The following CCNF variants were observed in gnomAD, a reference collection of about 807,000 sequenced individuals.
CCNF encodes cyclin-F.
In CCNF, 30 loss-of-function variants were observed where a neutral mutation model predicts 85.4. That is an observed-to-expected ratio of 0.35 (90% CI 0.26 to 0.48). The LOEUF is 0.48. CCNF is among the 20% of genes least tolerant of loss of function. The probability of loss-of-function intolerance (pLI) is 0.99; values close to 1 mark genes in which losing one functional copy is unlikely to be tolerated. For synonymous variants in CCNF, 439 were observed against 425.1 expected, an observed-to-expected ratio of 1.03 and a Z score of -0.40; for missense variants, 919 against 1,010.4, an observed-to-expected ratio of 0.91 and a Z score of 1.23.
chr16:2,449,264 C>T lies in CCNF; in HGVS notation c.1219-18C>T. On this transcript the variant is annotated intron_variant, in intron 11 of 16. Transcript: ENST00000397066. ...GCCCCCGAGCGCTGAGAGCCCACAC[C>T]CCGTCCCGGCTGTCTAGGTCCCCAC... 6.2e-7 allele frequency: 1 copy of T among 1,613,036 alleles called. No individual in the cohort carries two copies. Among genetic ancestry groups the T allele is most frequent in the Non-Finnish European group, 8.5e-7 (1 of 1,179,318 alleles).
chr16:2,444,324 G>T (rs955269032), intron 9 of CCNF, among the ~76,000 whole-genome samples: 2 of 148,736 alleles, frequency 1.3e-5, no homozygotes, highest in Non-Finnish European at 3.0e-5. Context: ...TTTTGAGACG[G>T]AGTCTTGCTC....
rs1017688946 is a variant in CCNF, at chr16:2,456,321, C to T, written c.1886-224C>T. On this transcript the variant is annotated intron_variant, in intron 16 of 16. Coordinates refer to ENST00000397066, the MANE Select transcript of CCNF (RefSeq NM_001761.3). The surrounding 1 kb of genome is among the most constrained non-coding windows in gnomAD (Gnocchi z 4.5). ...TGCTTCTGCGTCCACTTGGCTTGAG[C>T]TAGATGGCCAACTTGTCATCTCCAC... 23 of 480,670 alleles carry T rather than the reference C, an allele frequency of 4.8e-5. No homozygotes were observed. Among genetic ancestry groups the T allele is most frequent in the Non-Finnish European group, 6.9e-5 (19 of 273,554 alleles). 29.8% of individuals were successfully genotyped at this position (480,670 alleles called of 1,614,324 possible).
chr16:2,453,738 C>G lies in CCNF; in HGVS notation c.1715+201C>G, dbSNP rs1270875787. Among the ~76,000 whole-genome samples, 1 of 152,218 alleles carries G rather than the reference C, an allele frequency of 6.6e-6. No homozygotes were observed. The highest frequency in any genetic ancestry group is 1.9e-4 in the East Asian group (1 of 5,196). ...CCTCCACTGTCTCCAGCCCAGGTCT[C>G]CTTCCTCAGAGGCTATTGCCTCTCG... On this transcript the variant is annotated intron_variant, in intron 15 of 16. Transcript: ENST00000397066. This position sits in a 1 kb window ranked among gnomAD's most constrained non-coding sequence, Gnocchi z 5.6.
At chr16:2,430,472 A>G (rs1567381288) in intron 1 of CCNF, among the ~76,000 whole-genome samples, 1 of 151,956 alleles carries the variant, frequency 6.6e-6, no homozygotes, top group Non-Finnish European at 1.5e-5. Context: ...ACCTTTAATG[A>G]TTGCATCTGT....
intron 1 of CCNF, 188 bp from the exon 2 acceptor site, chr16:2,430,942 G>T: frequency 4.0e-6 from 3 of 757,318 alleles, no homozygotes; most frequent in Non-Finnish European, 7.2e-6. Flanking sequence ...TCTGTAATTT[G>T]TGCAATGCCA....
rs2065428286 is a variant in CCNF, at chr16:2,456,493, C to T, written c.1886-52C>T. 7.5e-7 allele frequency: 1 copy of T among 1,324,822 alleles called. No homozygotes were observed. The highest frequency in any genetic ancestry group is 1.0e-6 in the Non-Finnish European group (1 of 977,840). The allele number at this position is 1,324,822 out of a possible 1,614,324, so 82.1% of individuals were successfully genotyped here. A position where few individuals can be genotyped will look rare whatever the true frequency, so the allele number is the denominator to read the frequency against. Reference sequence around the variant, plus strand: ...AGGGTCCTGACCTGGCAGGGGGTCTCCCCTGATGCTTGGGTGTGACATGAC... The same window carrying T: ...AGGGTCCTGACCTGGCAGGGGGTCTTCCCTGATGCTTGGGTGTGACATGAC... On this transcript the variant is annotated intron_variant, in intron 16 of 16. Coordinates refer to ENST00000397066, the MANE Select transcript of CCNF (RefSeq NM_001761.3). The surrounding 1 kb of genome is among the most constrained non-coding windows in gnomAD (Gnocchi z 4.5).
At chr16:2,441,265 G>A (rs1054009840) in intron 8 of CCNF, among the ~76,000 whole-genome samples, 6 of 151,762 alleles carry the variant, frequency 4.0e-5, no homozygotes, top group African/African-American at 7.3e-5. Context: ...ATGTGGTGGC[G>A]TGTGCCTTGT....
At chr16:2,436,895 C>T (rs1048813909) in intron 4 of CCNF, 2 of 350,716 alleles carry the variant, frequency 5.7e-6, no homozygotes, top group Non-Finnish European at 1.0e-5. Context: ...TCCAGGCTTC[C>T]GGGAGGACCA....
Position 2,443,804 on chromosome 16 carries a change from A to T in CCNF, c.929+4A>T. ...AGGGACTCAATGACACAATGAGGTG[A>T]GGCATTCAGGCCGGGGCTTCTAATC... On this transcript the variant is annotated splice_donor_region_variant and intron_variant, in intron 9 of 16. Transcript: ENST00000397066. 1 of 1,613,750 alleles carries T rather than the reference A, an allele frequency of 6.2e-7. No homozygotes were observed. The highest frequency in any genetic ancestry group is 1.7e-5 in the Admixed American group (1 of 59,994).
chr16:2,443,924 C>G, intron 9 of CCNF, 124 bp downstream of exon 9: 2 of 570,452 alleles, frequency 3.5e-6, no homozygotes, highest in Non-Finnish European at 5.6e-6. Flanking sequence ...CCTTATCACC[C>G]TTTTTTTTTT....
At chr16:2,445,671 G>A (rs1307999871) in intron 10 of CCNF, 49 bp downstream of exon 10, 2 of 1,560,812 alleles carry the variant, frequency 1.3e-6, no homozygotes, top group Non-Finnish European at 1.7e-6. Context: ...GGCCTTTCCC[G>A]GGTTCAGGGT....
intron 8 of CCNF, among the ~76,000 whole-genome samples, chr16:2,443,025 C>A (rs1439368739): frequency 1.8e-5 from 2 of 108,124 alleles, no homozygotes; most frequent in Admixed American, 1.3e-4. Flanking sequence ...ATTATATGTT[C>A]TATAATATAT....
chr16:2,438,881 C>T (rs1290318887), intron 6 of CCNF, among the ~76,000 whole-genome samples: 2 of 151,782 alleles, frequency 1.3e-5, no homozygotes, highest in African/African-American at 2.4e-5. Context: ...ACCTGTAATC[C>T]TAGCTACTTG....
At position 2,446,660 on chromosome 16, in the gene CCNF, A is replaced by C. The variant is rs947984621; in HGVS notation, c.1094+1038A>C. 2.6e-5 allele frequency among the ~76,000 whole-genome samples: 4 copies of C among 152,244 alleles called. No homozygotes were observed. In the South Asian group the frequency reaches 8.3e-4, roughly 31 times the overall value. ...TGGGTGAGGATAGGCTTGGCTGCACACAGCATATGTGTAAGCTACAGAGAC... is the reference window on the plus strand; with the variant it reads ...TGGGTGAGGATAGGCTTGGCTGCACCCAGCATATGTGTAAGCTACAGAGAC... On this transcript the variant is annotated intron_variant, in intron 10 of 16. Coordinates refer to ENST00000397066, the MANE Select transcript of CCNF (RefSeq NM_001761.3).
intron 13 of CCNF, 115 bp downstream of exon 13, chr16:2,450,030 A>C: frequency 1.3e-6 from 1 of 752,632 alleles, no homozygotes; most frequent in Non-Finnish European, 2.4e-6. Context: ...AACATGGTGA[A>C]ACCCCACCTC....
At chr16:2,455,729 G>C (rs1415316033) in intron 16 of CCNF, among the ~76,000 whole-genome samples, 165 bp downstream of exon 16, 1 of 152,168 alleles carries the variant, frequency 6.6e-6, no homozygotes, top group South Asian at 2.1e-4. Flanking sequence ...TCCAGACATG[G>C]GGAGAGAGGA....
rs1424139332 is a variant in CCNF at position 2,453,287 on chromosome 16, A to G, written c.1565A>G (p.Tyr522Cys). ...AAGCAGCGGTTTGAGGACAAGCGCT[A>G]TGGAGAAATCAGCCAGGAAGAGGTG... ...AVKQRFEDKR[Y>C]GEISQEEVLS... The change falls in exon 14 of 17, where the codon TAT becomes TGT. Residue 522 changes from tyrosine (Y) to cysteine (C), a missense_variant. This residue lies in a region of CCNF where 505 missense variants were observed against 514.8 expected (regional missense o/e 0.98). Transcript: ENST00000397066. The surrounding 1 kb of genome is among the most constrained non-coding windows in gnomAD (Gnocchi z 5.6). The G allele has an allele frequency of 6.2e-7, 1 of 1,613,766 alleles. No individual in the cohort carries two copies. Among genetic ancestry groups the G allele is most frequent in the Non-Finnish European group, 8.5e-7 (1 of 1,180,026 alleles).
At chr16:2,429,755 C>A (rs1596911937) in intron 1 of CCNF, among the ~76,000 whole-genome samples, 1 of 151,924 alleles carries the variant, frequency 6.6e-6, no homozygotes, top group African/African-American at 2.4e-5. Flanking sequence ...CCTGGGGCAA[C>A]GATCGGGTCC....
At chr16:2,436,150 G>A (rs923956048) in intron 4 of CCNF, 8 of 353,168 alleles carry the variant, frequency 2.3e-5, no homozygotes, top group Non-Finnish European at 4.2e-5. Context: ...CCTCAGCACG[G>A]GGGCTGTTTG....
Sources: gnomAD v4.1 joint callset for allele counts (sites outside exome capture counted in the v4.1 genomes callset) on GRCh38, gnomAD v4.1.1 for gene constraint, gnomAD v4.1.1 regional missense constraint, Gnocchi (gnomAD v3.1) non-coding constraint, MANE v1.5 for transcripts, NCBI Gene and HGNC (gene_info 2026-07-23, HGNC 2026-07-21) for gene names.